Variants in PITPNC1 observed in about 807,000 individuals in gnomAD.
PITPNC1 encodes the protein phosphatidylinositol transfer protein cytoplasmic 1, also known as cytoplasmic phosphatidylinositol transfer protein 1.
In PITPNC1, 18 loss-of-function variants were observed where a neutral mutation model predicts 44.7. That is an observed-to-expected ratio of 0.40 (90% CI 0.28 to 0.60). The LOEUF (loss-of-function observed/expected upper bound fraction) is 0.60, where lower values mean the gene tolerates loss of function less well. Among genes scored for constraint, PITPNC1 ranks in the 20% least tolerant of loss-of-function variants. The pLI is 0.39. For missense variants in PITPNC1, 290 were observed against 418.4 expected, an observed-to-expected ratio of 0.69 and a Z score of 2.68; for synonymous variants, 141 against 149.6, an observed-to-expected ratio of 0.94 and a Z score of 0.42.
chr17:67,637,075 A>G (rs72839415), intron 6 of PITPNC1, among the ~76,000 whole-genome samples: 15,387 of 152,142 alleles, frequency 0.1, 996 homozygotes, highest in East Asian at 0.22. Flanking sequence ...GCTCATCACT[A>G]TGGCATGAGC....
intron 7 of PITPNC1, among the ~76,000 whole-genome samples, chr17:67,672,601 AAATAAT>A (rs55925253): frequency 0.78 from 114,905 of 148,198 alleles, 45,379 homozygotes; most frequent in East Asian, 0.87. Context: ...TCTGTCTCCA[AAATAAT>A]AATAATAATA....
intron 1 of PITPNC1, among the ~76,000 whole-genome samples, chr17:67,413,401 TTTTCTTTC>T (rs151166964): frequency 8.0e-4 from 117 of 145,510 alleles, no homozygotes; most frequent in East Asian, 3.4e-3. Context: ...ATGTGCTTAA[TTTTCTTTC>T]TTTCTTTCTT....
chr17:67,535,704 A>T (rs1351123268), intron 2 of PITPNC1, among the ~76,000 whole-genome samples: 1 of 152,244 alleles, frequency 6.6e-6, no homozygotes, highest in African/African-American at 2.4e-5. Context: ...ACAGGATGAA[A>T]TATAACTATG....
chr17:67,539,699 G>A (rs570284780), intron 2 of PITPNC1, among the ~76,000 whole-genome samples: 35 of 152,272 alleles, frequency 2.3e-4, no homozygotes, highest in East Asian at 7.7e-4. Flanking sequence ...TTGGCCGGGC[G>A]TGGTGGCGGG....
chr17:67,447,476 G>T (rs183285174), intron 1 of PITPNC1, among the ~76,000 whole-genome samples: 1 of 151,894 alleles, frequency 6.6e-6, no homozygotes, highest in African/African-American at 2.4e-5. Context: ...TCCCAGGCTG[G>T]AGTGCAGTGG....
At chr17:67,378,729 C>T (rs1000667076) in intron 1 of PITPNC1, among the ~76,000 whole-genome samples, 16 of 152,200 alleles carry the variant, frequency 1.1e-4, no homozygotes, top group Non-Finnish European at 7.3e-5. Context: ...TCGCCGTCGC[C>T]GCGGGCTTGG....
At chr17:67,414,534 G>A (rs1489361073) in intron 1 of PITPNC1, among the ~76,000 whole-genome samples, 1 of 151,822 alleles carries the variant, frequency 6.6e-6, no homozygotes, top group Non-Finnish European at 1.5e-5. Context: ...CATTCCAAGG[G>A]CCAATTCCAG....
chr17:67,382,347 G>A (rs2037974740), intron 1 of PITPNC1, among the ~76,000 whole-genome samples: 1 of 151,350 alleles, frequency 6.6e-6, no homozygotes, highest in Admixed American at 6.6e-5. Flanking sequence ...TGGTGTGTGT[G>A]TGTGTGTGTG....
At chr17:67,431,462 T>C (rs905607835) in intron 1 of PITPNC1, among the ~76,000 whole-genome samples, 1 of 152,178 alleles carries the variant, frequency 6.6e-6, no homozygotes, top group African/African-American at 2.4e-5. Flanking sequence ...GGAACTCAGC[T>C]TGTCTGACAG....
At chr17:67,403,908 G>A (rs2143827247) in intron 1 of PITPNC1, among the ~76,000 whole-genome samples, 1 of 152,308 alleles carries the variant, frequency 6.6e-6, no homozygotes. Flanking sequence ...TGTAATCCCA[G>A]CTACTTGGGA....
At chr17:67,496,854 C>T (rs958710024) in intron 1 of PITPNC1, among the ~76,000 whole-genome samples, 8 of 151,844 alleles carry the variant, frequency 5.3e-5, no homozygotes, top group African/African-American at 1.2e-4. Context: ...ATATTTAGAG[C>T]GAGAAGCCTT....
chr17:67,546,873 C>T (rs1301485269), intron 2 of PITPNC1, among the ~76,000 whole-genome samples: 7 of 152,096 alleles, frequency 4.6e-5, no homozygotes, highest in Non-Finnish European at 8.8e-5. Context: ...ATTAAGAGCA[C>T]AAGTAAAAGA....
intron 6 of PITPNC1, among the ~76,000 whole-genome samples, chr17:67,663,056 G>A (rs976346319): frequency 6.6e-6 from 1 of 152,174 alleles, no homozygotes; most frequent in East Asian, 1.9e-4. Context: ...CCAATAATGG[G>A]GTTGCTGGGT....
At chr17:67,546,064 G>A (rs894271411) in intron 2 of PITPNC1, among the ~76,000 whole-genome samples, 2 of 151,272 alleles carry the variant, frequency 1.3e-5, no homozygotes, top group African/African-American at 2.4e-5. Flanking sequence ...GTGGTGTCCC[G>A]CGCCTGTAGT....
chr17:67,530,010 A>C (rs1175961450), intron 1 of PITPNC1, among the ~76,000 whole-genome samples: 1 of 151,908 alleles, frequency 6.6e-6, no homozygotes, highest in African/African-American at 2.4e-5. Context: ...GTTTGAAATC[A>C]AAGTGTCAGC....
intron 1 of PITPNC1, among the ~76,000 whole-genome samples, chr17:67,404,316 A>T (rs535349530): frequency 1.6e-4 from 24 of 152,336 alleles, no homozygotes; most frequent in African/African-American, 5.5e-4. Flanking sequence ...AAAGCCAGAA[A>T]CGTAGATACA....
At chr17:67,544,559 C>T (rs897075915) in intron 2 of PITPNC1, among the ~76,000 whole-genome samples, 1 of 152,244 alleles carries the variant, frequency 6.6e-6, no homozygotes, top group African/African-American at 2.4e-5. Context: ...CAGCTTCTAA[C>T]GGTGATTCCG....
chr17:67,661,774 G>A (rs182793875), intron 6 of PITPNC1, among the ~76,000 whole-genome samples: 3 of 152,288 alleles, frequency 2.0e-5, no homozygotes, highest in East Asian at 3.9e-4. Flanking sequence ...CGAGGCAAGC[G>A]GATCACGAGG....
Position 67,657,946 on chromosome 17 carries a change from C to T in PITPNC1, c.463-11562C>T, listed in dbSNP as rs2042291938. On this transcript the variant is annotated intron_variant, in intron 6 of 8. Transcript: ENST00000581322. ...TTGAAGAATATGAATCTGAAATGTA[C>T]ATGAAGATGCTGGAATAGATACCAT... 2.0e-5 allele frequency among the ~76,000 whole-genome samples: 3 copies of T among 152,202 alleles called. No individual in the cohort carries two copies. The South Asian group carries it at 6.2e-4, about 32-fold the overall frequency.
Sources: allele counts gnomAD v4.1 joint callset (sites outside exome capture counted in the v4.1 genomes callset), GRCh38; gene constraint gnomAD v4.1.1; transcripts MANE v1.5; gene names NCBI Gene and HGNC (gene_info 2026-07-23, HGNC 2026-07-21).